Variants in PTPRM observed in about 807,000 individuals in gnomAD.
PTPRM encodes protein tyrosine phosphatase receptor type M, also known as receptor-type tyrosine-protein phosphatase mu.
Under a neutral mutation model 186.7 loss-of-function variants are expected in PTPRM, and 47 were observed. The observed-to-expected ratio is 0.25, with a 90% CI of 0.20 to 0.32. The LOEUF is 0.32. PTPRM is among the 10% of genes least tolerant of loss of function. The probability of loss-of-function intolerance (pLI) is 1.00; values close to 1 mark genes in which losing one functional copy is unlikely to be tolerated. For synonymous variants in PTPRM, 668 were observed against 674.9 expected, an observed-to-expected ratio of 0.99 and a Z score of 0.16; for missense variants, 1,494 against 1,865.0, an observed-to-expected ratio of 0.80 and a Z score of 3.66.
At chr18:7,945,955 A>G (rs1288928585) in intron 5 of PTPRM, among the ~76,000 whole-genome samples, 3 of 152,164 alleles carry the variant, frequency 2.0e-5, no homozygotes, top group Admixed American at 6.5e-5. Context: ...CTCCCTATGT[A>G]CTATTTCTCT....
At chr18:8,392,825 A>G (rs1280227208) in intron 31 of PTPRM, among the ~76,000 whole-genome samples, 2 of 152,194 alleles carry the variant, frequency 1.3e-5, no homozygotes, top group East Asian at 3.8e-4. Flanking sequence ...TGTGAACAAA[A>G]TCAATATTAG....
chr18:8,140,479 A>G (rs1330533950), intron 13 of PTPRM, among the ~76,000 whole-genome samples: 2 of 150,096 alleles, frequency 1.3e-5, no homozygotes, highest in Admixed American at 1.3e-4. Flanking sequence ...TTTACATACT[A>G]GATGTTATAA....
chr18:7,933,565 C>G (rs1829303311), intron 5 of PTPRM, among the ~76,000 whole-genome samples: 1 of 152,182 alleles, frequency 6.6e-6, no homozygotes, highest in African/African-American at 2.4e-5. Context: ...GACTGCTATA[C>G]TGTTAAAAAC....
At chr18:7,601,236 T>A (rs1202300561) in intron 1 of PTPRM, among the ~76,000 whole-genome samples, 1 of 152,250 alleles carries the variant, frequency 6.6e-6, no homozygotes, top group African/African-American at 2.4e-5. Context: ...AGTCTGAGTT[T>A]CAGTTAGGCT....
chr18:7,925,720 T>C (rs2051135996), intron 4 of PTPRM, among the ~76,000 whole-genome samples: 1 of 152,224 alleles, frequency 6.6e-6, no homozygotes, highest in Non-Finnish European at 1.5e-5. Context: ...CTTCCCGCTT[T>C]GTTACTCTTT....
At chr18:7,963,535 C>T (rs1198697371) in intron 7 of PTPRM, among the ~76,000 whole-genome samples, 1 of 152,230 alleles carries the variant, frequency 6.6e-6, no homozygotes, top group African/African-American at 2.4e-5. Context: ...AGCGTGCTAA[C>T]AGTGCTCCTC....
chr18:8,247,818 C>G (rs553924583), intron 15 of PTPRM, 27 bp from the exon 16 acceptor site: 1 of 1,536,854 alleles, frequency 6.5e-7, no homozygotes, highest in South Asian at 1.1e-5. Flanking sequence ...CTCTGCTGCC[C>G]CTGACCAGCC....
At chr18:7,612,999 G>T (rs2037714253) in intron 1 of PTPRM, among the ~76,000 whole-genome samples, 1 of 152,136 alleles carries the variant, frequency 6.6e-6, no homozygotes, top group Non-Finnish European at 1.5e-5. Flanking sequence ...GACCTGGAGG[G>T]TAACAGAAAT....
chr18:7,633,765 T>G lies in PTPRM; in HGVS notation c.73+65874T>G, dbSNP rs2038246190. Among the ~76,000 whole-genome samples, 3 of 152,300 alleles carry G rather than the reference T, an allele frequency of 2.0e-5. No individual in the cohort carries two copies. The South Asian group carries it at 6.2e-4, about 32-fold the overall frequency. On this transcript the variant is annotated intron_variant, in intron 1 of 32. Transcript: ENST00000580170. ...TTGTCTGGTTCTCAAGCTGAGAAAC[T>G]TGGAGTCATCCTGATTCCTGTTTCT... is the stretch of plus-strand genomic sequence containing the variant.
intron 23 of PTPRM, among the ~76,000 whole-genome samples, chr18:8,363,701 T>G (rs2095610769): frequency 6.6e-6 from 1 of 152,136 alleles, no homozygotes; most frequent in Admixed American, 6.5e-5. Flanking sequence ...GAACAAGCAG[T>G]GGAAATAACA....
Position 8,113,476 on chromosome 18 carries a change from G to GT in PTPRM, c.1857-5dup. The GT allele has an allele frequency of 6.2e-7, 1 of 1,610,132 alleles. No individual in the cohort carries two copies. Among genetic ancestry groups the GT allele is most frequent in the Non-Finnish European group, 8.5e-7 (1 of 1,176,860 alleles). On this transcript the variant is annotated splice_polypyrimidine_tract_variant and intron_variant, in intron 11 of 32. Coordinates refer to ENST00000580170, the MANE Select transcript of PTPRM (RefSeq NM_001105244.2). ...ATAAAATATCATTGATGGTACTCTT[G>GT]TTTTTCTAGTGTCTATCAAATAGTT...
intron 1 of PTPRM, among the ~76,000 whole-genome samples, chr18:7,702,739 TTTG>T (rs2039993369): frequency 6.6e-6 from 1 of 152,182 alleles, no homozygotes; most frequent in Non-Finnish European, 1.5e-5. Flanking sequence ...TGCCATTGCT[TTTG>T]TTGTTTTAGT....
At chr18:8,135,795 A>G (rs2092624549) in intron 13 of PTPRM, among the ~76,000 whole-genome samples, 1 of 152,200 alleles carries the variant, frequency 6.6e-6, no homozygotes, top group African/African-American at 2.4e-5. Flanking sequence ...TGTGAAAGTC[A>G]TGTCACACAT....
intron 23 of PTPRM, among the ~76,000 whole-genome samples, chr18:8,370,625 C>T (rs957950926): frequency 6.6e-6 from 1 of 152,180 alleles, no homozygotes; most frequent in African/African-American, 2.4e-5. Flanking sequence ...TGAATGGTTA[C>T]AGTAACTGGG....
chr18:7,946,194 C>T (rs2052513031), intron 5 of PTPRM, among the ~76,000 whole-genome samples: 1 of 152,166 alleles, frequency 6.6e-6, no homozygotes, highest in Non-Finnish European at 1.5e-5. Flanking sequence ...TGAGTGCCCT[C>T]AGTATAGCCT....
At chr18:7,946,801 T>C (rs1250815773) in intron 5 of PTPRM, 1 of 383,740 alleles carries the variant, frequency 2.6e-6, no homozygotes, top group South Asian at 2.0e-5. Flanking sequence ...TTGATGGAAC[T>C]GTTCTTCCCC....
At chr18:7,769,869 A>G (rs1235108354) in intron 1 of PTPRM, among the ~76,000 whole-genome samples, 2 of 152,178 alleles carry the variant, frequency 1.3e-5, no homozygotes, top group East Asian at 3.9e-4. Flanking sequence ...GGAGACATGC[A>G]GGTACACGTG....
chr18:7,664,072 C>T (rs1317547527), intron 1 of PTPRM, among the ~76,000 whole-genome samples: 1 of 152,228 alleles, frequency 6.6e-6, no homozygotes, highest in Non-Finnish European at 1.5e-5. Context: ...TAAGGGCTTA[C>T]TCATACAGAG....
chr18:8,101,625 T>C (rs2091293709), intron 11 of PTPRM, among the ~76,000 whole-genome samples: 1 of 152,250 alleles, frequency 6.6e-6, no homozygotes, highest in Admixed American at 6.5e-5. Flanking sequence ...GCTTCCTCGC[T>C]AGATGCCAGC....
Sources: gnomAD v4.1 joint callset for allele counts (sites outside exome capture counted in the v4.1 genomes callset) on GRCh38, gnomAD v4.1.1 for gene constraint, MANE v1.5 for transcripts, NCBI Gene and HGNC (gene_info 2026-07-23, HGNC 2026-07-21) for gene names.